VDAC1: variants seen among roughly 807,000 people sequenced by gnomAD.
VDAC1 encodes voltage dependent anion channel 1, also known as non-selective voltage-gated ion channel VDAC1.
VDAC1 carries 10 observed loss-of-function variants against 34.7 expected under a neutral mutation model. The ratio of observed to expected loss-of-function variants is 0.29; its 90% CI spans 0.18 to 0.49. The LOEUF (loss-of-function observed/expected upper bound fraction) is 0.49. VDAC1 is among the 20% of genes least tolerant of loss of function. The probability of loss-of-function intolerance (pLI) is 0.99; values close to 1 mark genes in which losing one functional copy is unlikely to be tolerated. For missense variants in VDAC1, 230 were observed against 347.9 expected (o/e 0.66, Z 2.69); for synonymous variants, 130 against 136.0 (o/e 0.96, Z 0.30).
the VDAC1 span, among the ~76,000 whole-genome samples, chr5:134,080,848 ATTATT>A: frequency 2.6e-5 from 4 of 151,800 alleles, no homozygotes; most frequent in Admixed American, 6.6e-5. Context: ...ATTAATTTTA[ATTATT>A]TTAAGACTAC....
the VDAC1 span, among the ~76,000 whole-genome samples, chr5:134,041,923 C>T: frequency 1.3e-5 from 2 of 152,354 alleles, no homozygotes; most frequent in Middle Eastern, 6.8e-3. Context: ...ACCCATTTCC[C>T]TCACTCTCCT....
the VDAC1 span, among the ~76,000 whole-genome samples, chr5:134,089,651 T>C: frequency 8.5e-5 from 13 of 152,130 alleles, no homozygotes; most frequent in African/African-American, 3.1e-4. Context: ...CCAGGTACCT[T>C]TGAAAATGTG....
the VDAC1 span, among the ~76,000 whole-genome samples, chr5:134,106,336 A>G: frequency 6.6e-6 from 1 of 152,222 alleles, no homozygotes; most frequent in Non-Finnish European, 1.5e-5. Context: ...CAGGACCACA[A>G]ACTCTTCCAA....
chr5:134,021,853 A>T, the VDAC1 span, among the ~76,000 whole-genome samples: 4 of 149,686 alleles, frequency 2.7e-5, no homozygotes, highest in South Asian at 2.1e-4. Flanking sequence ...ATACTGGAGC[A>T]GTAGGCTCAG....
chr5:133,990,148 T>G (rs2126967968), intron 5 of VDAC1, among the ~76,000 whole-genome samples: 1 of 152,364 alleles, frequency 6.6e-6, no homozygotes, highest in South Asian at 2.1e-4. Flanking sequence ...TACCATGCTA[T>G]CATGCCAAGT....
intron 5 of VDAC1, among the ~76,000 whole-genome samples, chr5:133,989,873 G>A (rs1753039156): frequency 6.6e-6 from 1 of 152,198 alleles, no homozygotes; most frequent in African/African-American, 2.4e-5. Context: ...CGTTGGTCAG[G>A]CTGGTCTCAA....
chr5:134,029,536 A>G, the VDAC1 span, among the ~76,000 whole-genome samples: 2 of 152,252 alleles, frequency 1.3e-5, no homozygotes, highest in Non-Finnish European at 2.9e-5. Flanking sequence ...ACAGCCGTGC[A>G]TCTGTGCTGT....
At chr5:134,038,027 A>G in the VDAC1 span, among the ~76,000 whole-genome samples, 1 of 152,222 alleles carries the variant, frequency 6.6e-6, no homozygotes, top group Admixed American at 6.5e-5. Context: ...AAATAATGTC[A>G]ATGTGCCAAA....
chr5:134,074,368 G>T, the VDAC1 span, among the ~76,000 whole-genome samples: 25 of 151,742 alleles, frequency 1.6e-4, no homozygotes, highest in African/African-American at 5.8e-4. Flanking sequence ...GCTTTGAAAT[G>T]ACATCTACTT....
the VDAC1 span, among the ~76,000 whole-genome samples, chr5:134,071,681 C>T: frequency 2.6e-5 from 4 of 152,220 alleles, no homozygotes; most frequent in Non-Finnish European, 5.9e-5. The surrounding 1 kb of genome is among the most constrained non-coding windows in gnomAD (Gnocchi z 4.1). Context: ...AGTTTTGAGT[C>T]TGAAAGAATT....
chr5:133,995,008 G>A (rs1488229268), intron 1 of VDAC1, among the ~76,000 whole-genome samples: 2 of 152,148 alleles, frequency 1.3e-5, no homozygotes, highest in Non-Finnish European at 2.9e-5. Context: ...TCCCCGCTCA[G>A]GATAAAGGCA....
the VDAC1 span, among the ~76,000 whole-genome samples, chr5:134,086,986 G>C: frequency 5.9e-5 from 9 of 152,196 alleles, no homozygotes; most frequent in African/African-American, 2.2e-4. Context: ...TTGAAAGGAA[G>C]AGCCAGGACA....
the VDAC1 span, among the ~76,000 whole-genome samples, chr5:134,019,209 C>T: frequency 1.3e-5 from 2 of 152,008 alleles, no homozygotes; most frequent in Non-Finnish European, 2.9e-5. Context: ...TACAAGTAGA[C>T]ACAGGGAAGG....
the VDAC1 span, among the ~76,000 whole-genome samples, chr5:134,070,571 A>T: frequency 6.6e-6 from 1 of 152,214 alleles, no homozygotes; most frequent in South Asian, 2.1e-4. Context: ...AGAGAGAACC[A>T]CTACTAAGAA....
the VDAC1 span, among the ~76,000 whole-genome samples, chr5:134,055,150 G>A: frequency 2.0e-5 from 3 of 152,220 alleles, no homozygotes; most frequent in Non-Finnish European, 4.4e-5. Context: ...AGCCACAAAG[G>A]AGACAGGCTG....
At chr5:134,106,681 C>T in the VDAC1 span, among the ~76,000 whole-genome samples, 42 of 152,178 alleles carry the variant, frequency 2.8e-4, no homozygotes, top group Non-Finnish European at 5.4e-4. Flanking sequence ...GCTGGGATTA[C>T]AGGCGTGAGC....
chr5:133,990,935 A>G, intron 4 of VDAC1, 28 bp from the exon 5 acceptor site: 3 of 1,598,052 alleles, frequency 1.9e-6, no homozygotes, highest in Non-Finnish European at 2.6e-6. Flanking sequence ...TTGCCACTAG[A>G]TTTAGTCACA....
chr5:133,994,935 A>G (rs1753240420), intron 1 of VDAC1, among the ~76,000 whole-genome samples: 1 of 151,442 alleles, frequency 6.6e-6, no homozygotes, highest in African/African-American at 2.4e-5. Flanking sequence ...CTTCCCCACG[A>G]CTCTCCCCTG....
At position 133,990,908 on chromosome 5, in the gene VDAC1, C is replaced by A; in HGVS notation, c.271-1G>T. ...AGGTCAGCTTCAGTCCACGTGCAAGCTGAACAGAAAAGAAATTTGCCACTA... is the reference window on the plus strand; with the variant it reads ...AGGTCAGCTTCAGTCCACGTGCAAGATGAACAGAAAAGAAATTTGCCACTA... On this transcript the variant is annotated splice_acceptor_variant, in intron 4 of 8. Coordinates refer to ENST00000265333, the MANE Select transcript of VDAC1 (RefSeq NM_003374.3). LOFTEE classifies it high-confidence loss of function. 1.3e-6 allele frequency: 2 copies of A among 1,585,002 alleles called. No individual in the cohort carries two copies.
Sources: allele counts gnomAD v4.1 joint callset (sites outside exome capture counted in the v4.1 genomes callset), GRCh38; gene constraint gnomAD v4.1.1; non-coding constraint Gnocchi (gnomAD v3.1); transcripts MANE v1.5; gene names NCBI Gene and HGNC (gene_info 2026-07-23, HGNC 2026-07-21).